SARDH: variants seen among roughly 807,000 people sequenced by gnomAD.
SARDH encodes the protein sarcosine dehydrogenase, also known as sarcosine dehydrogenase, mitochondrial.
SARDH carries 95 observed loss-of-function variants against 109.1 expected under a neutral mutation model. That is an observed-to-expected ratio of 0.87 (90% CI 0.74 to 1.03). The LOEUF (loss-of-function observed/expected upper bound fraction) is 1.03, where lower values mean the gene tolerates loss of function less well. Among genes scored for constraint, SARDH ranks in the 50% least tolerant of loss-of-function variants. The pLI is 0.00. For missense variants in SARDH, 1,267 were observed against 1,287.8 expected, an observed-to-expected ratio of 0.98 and a Z score of 0.25; for synonymous variants, 572 against 534.8, an observed-to-expected ratio of 1.07 and a Z score of -0.96.
intron 1 of SARDH, among the ~76,000 whole-genome samples, chr9:133,734,950 G>A (rs531684046): frequency 2.0e-4 from 31 of 152,338 alleles, no homozygotes; most frequent in African/African-American, 7.2e-4. Flanking sequence ...GATGGGACCT[G>A]GGAGGCAGGA....
rs778141547 is a variant in SARDH at position 133,666,770 on chromosome 9, C to T, written c.2596G>A (p.Ala866Thr). Residue 866 changes from alanine to threonine, a missense_variant, in exon 20 of 21, where the codon GCC (alanine) becomes ACC (threonine). By Grantham distance (58) the Ala-to-Thr change is moderately conservative. Coordinates refer to ENST00000439388, the MANE Select transcript of SARDH (RefSeq NM_001134707.2). The surrounding 1 kb of genome is among the most constrained non-coding windows in gnomAD (Gnocchi z 5.2). ...CTGGGGTCATGGATGTAACCGTAGG[C>T]GATGGTCTTGTCGATGGCGAACCCA... ...DFGFAIDKTIAYGYIHDPSGG... is the reference protein window; with the variant it reads ...DFGFAIDKTITYGYIHDPSGG... 27 of 1,601,096 alleles carry T rather than the reference C, an allele frequency of 1.7e-5. No individual in the cohort carries two copies. In the Admixed American group the frequency reaches 2.2e-4, roughly 13 times the overall value.
intron 13 of SARDH, among the ~76,000 whole-genome samples, chr9:133,701,941 G>T (rs1488393307): frequency 1.3e-5 from 2 of 152,214 alleles, no homozygotes; most frequent in Non-Finnish European, 2.9e-5. Flanking sequence ...ATGAACCCAA[G>T]CGGGGCCCTT....
chr9:133,738,162 G>C (rs112424248), intron 1 of SARDH, 92 bp downstream of exon 1: 1 of 152,350 alleles, frequency 6.6e-6, no homozygotes, highest in African/African-American at 2.4e-5. Flanking sequence ...CAGAGGCAGA[G>C]GGAGATCCCA....
At position 133,666,755 on chromosome 9, in the gene SARDH, G is replaced by T; in HGVS notation, c.2611C>A (p.His871Asn). The T allele has an allele frequency of 6.3e-7, 1 of 1,597,696 alleles. No homozygotes were observed. The highest frequency in any genetic ancestry group is 1.1e-5 in the South Asian group (1 of 88,320). ...CTCACCGGCCCACCGCTGGGGTCAT[G>T]GATGTAACCGTAGGCGATGGTCTTG... ...IDKTIAYGYI[H>N]DPSGGPVSLD... Residue 871 changes from histidine (H) to asparagine (N), a missense_variant, in exon 20 of 21, where the codon CAT becomes AAT. Coordinates refer to ENST00000439388, the MANE Select transcript of SARDH (RefSeq NM_001134707.2). The surrounding 1 kb of genome is among the most constrained non-coding windows in gnomAD (Gnocchi z 5.2).
intron 5 of SARDH, 41 bp downstream of exon 5, chr9:133,730,023 C>A: frequency 6.2e-7 from 1 of 1,611,408 alleles, no homozygotes; most frequent in South Asian, 1.1e-5. Context: ...AGGGAGCAGC[C>A]AGCATGGCCA....
In SARDH at chr9:133,717,459, C is replaced by T. The variant is rs368840052; in HGVS notation, c.1021-4G>A. On this transcript the variant is annotated splice_region_variant and splice_polypyrimidine_tract_variant and intron_variant, in intron 7 of 20. Coordinates refer to ENST00000439388, the MANE Select transcript of SARDH (RefSeq NM_001134707.2). ...CGAAGGCAAACTTGTCTGACACCTGCCAAGGCAGGGCAGGGGAACATCTCC... is the reference window on the plus strand; with the variant it reads ...CGAAGGCAAACTTGTCTGACACCTGTCAAGGCAGGGCAGGGGAACATCTCC... 3.7e-5 allele frequency: 59 copies of T among 1,613,918 alleles called. No homozygotes were observed. Among genetic ancestry groups the T allele is most frequent in the Middle Eastern group, 1.6e-4 (1 of 6,076 alleles).
In SARDH at chr9:133,729,843, G is replaced by A. The variant is rs374820316; in HGVS notation, c.837C>T (p.Gly279=). 1.3e-5 allele frequency: 21 copies of A among 1,611,870 alleles called. 1 individual carries two copies. The African/African-American group carries it at 2.3e-4, about 17-fold the overall frequency. Residue 279 remains glycine (G), a synonymous_variant, in exon 6 of 21, where the codon GGC becomes GGT. Coordinates refer to ENST00000439388, the MANE Select transcript of SARDH (RefSeq NM_001134707.2). ...GCGGGACCTTGACTCCAGCCATCCG[G>A]CCCACAGCACTTGCCCACACTCCTG... ...NCAGVWASAV[G]RMAGVKVPLV... is the part of the protein sequence containing the mutation.
chr9:133,717,578 G>T, intron 7 of SARDH, 123 bp from the exon 8 acceptor site: 1 of 1,389,966 alleles, frequency 7.2e-7, no homozygotes, highest in Non-Finnish European at 9.7e-7. Flanking sequence ...TTAGAGGGCT[G>T]GTGGTCACCC....
Position 133,702,912 on chromosome 9 carries a change from G to T in SARDH, c.1668+4C>A. 3 of 1,610,010 alleles carry T rather than the reference G, an allele frequency of 1.9e-6. No homozygotes were observed. Among genetic ancestry groups the T allele is most frequent in the Non-Finnish European group, 2.5e-6 (3 of 1,178,822 alleles). On this transcript the variant is annotated splice_donor_region_variant and intron_variant, in intron 13 of 20. Transcript: ENST00000439388. ...GACCCCCACGGTGGACCCCAGCTAC[G>T]CACCGTGTCGTGGTGGGGCGGGAAG...
chr9:133,670,468 G>T, intron 19 of SARDH, 116 bp downstream of exon 19: 5 of 1,165,678 alleles, frequency 4.3e-6, no homozygotes, highest in Non-Finnish European at 6.0e-6. Context: ...GAAGAGCATG[G>T]CTGGCACATG....
chr9:133,727,463 G>A (rs528038671), intron 6 of SARDH, among the ~76,000 whole-genome samples: 1 of 152,256 alleles, frequency 6.6e-6, no homozygotes, highest in African/African-American at 2.4e-5. Flanking sequence ...ATGCGCCCAG[G>A]AGAGGGCCCC....
At chr9:133,701,044 T>G (rs564588472) in intron 13 of SARDH, among the ~76,000 whole-genome samples, 26 of 152,216 alleles carry the variant, frequency 1.7e-4, no homozygotes, top group African/African-American at 6.0e-4. Flanking sequence ...CCTCACATAC[T>G]CAGGGAGGCC....
Position 133,686,563 on chromosome 9 carries a change from TC to T in SARDH, c.2070-1278del, listed in dbSNP as rs1830893331. Among the ~76,000 whole-genome samples, 1 of 150,020 alleles carries T rather than the reference TC, an allele frequency of 6.7e-6. No homozygotes were observed. Among genetic ancestry groups the T allele is most frequent in the African/African-American group, 2.5e-5 (1 of 40,510 alleles). On this transcript the variant is annotated intron_variant, in intron 16 of 20. Coordinates refer to ENST00000439388, the MANE Select transcript of SARDH (RefSeq NM_001134707.2). This position sits in a 1 kb window ranked among gnomAD's most constrained non-coding sequence, Gnocchi z 4.0. ...CCCCAGGAGCTCCGTGCCAACAGCA[TC>T]CCCCTATCCCAATGTGCCTGGCACA... is the stretch of plus-strand genomic sequence containing the variant.
rs1831846345 is a variant in SARDH, at chr9:133,709,768, T to C, written c.1329-1340A>G. On this transcript the variant is annotated intron_variant, in intron 10 of 20. Transcript: ENST00000439388. This position sits in a 1 kb window ranked among gnomAD's most constrained non-coding sequence, Gnocchi z 4.2. ...CTCTCTCTTTGTCCCCAGAGCTGCC[T>C]TCTGCATGGGACCCAAGATTAACTC... Among the ~76,000 whole-genome samples the C allele has an allele frequency of 6.6e-6, 1 of 152,198 alleles. No homozygotes were observed. Among genetic ancestry groups the C allele is most frequent in the Admixed American group, 6.5e-5 (1 of 15,288 alleles).
chr9:133,712,881 G>T lies in SARDH; in HGVS notation c.1237+157C>A. On this transcript the variant is annotated intron_variant, in intron 9 of 20. Transcript: ENST00000439388. This position sits in a 1 kb window ranked among gnomAD's most constrained non-coding sequence, Gnocchi z 4.1. ...GCTGCTGGACTGGACCCTGGCACAG[G>T]TGCACTCTCTGGGAAGCAGAAGGGG... 1.1e-6 allele frequency: 1 copy of T among 938,750 alleles called. No homozygotes were observed. Among genetic ancestry groups the T allele is most frequent in the Non-Finnish European group, 1.6e-6 (1 of 616,462 alleles). 58.2% of individuals were successfully genotyped at this position (938,750 alleles called of 1,614,324 possible).
intron 1 of SARDH, among the ~76,000 whole-genome samples, chr9:133,735,107 G>T (rs1328665729): frequency 2.0e-5 from 3 of 152,176 alleles, no homozygotes; most frequent in African/African-American, 7.2e-5. Context: ...GTATCGGCAG[G>T]CAGCCTCGAG....
At chr9:133,682,246 T>C (rs890007910) in intron 17 of SARDH, among the ~76,000 whole-genome samples, 1 of 152,116 alleles carries the variant, frequency 6.6e-6, no homozygotes, top group Non-Finnish European at 1.5e-5. Context: ...GCGTTCCAAG[T>C]GGTTCTCGGG....
intron 13 of SARDH, among the ~76,000 whole-genome samples, chr9:133,696,949 C>G (rs1171225235): frequency 6.6e-6 from 1 of 151,854 alleles, no homozygotes; most frequent in Non-Finnish European, 1.5e-5. Flanking sequence ...CCAAAGCAAG[C>G]AGAAGGAATG....
At chr9:133,725,724 T>C (rs1832467940) in intron 6 of SARDH, 3 of 252,834 alleles carry the variant, frequency 1.2e-5, no homozygotes, top group South Asian at 1.1e-4. Flanking sequence ...GTTTACATCA[T>C]CATAATATTG....
Sources: gnomAD v4.1 joint callset for allele counts (sites outside exome capture counted in the v4.1 genomes callset) on GRCh38, gnomAD v4.1.1 for gene constraint, Gnocchi (gnomAD v3.1) non-coding constraint, MANE v1.5 for transcripts, NCBI Gene and HGNC (gene_info 2026-07-23, HGNC 2026-07-21) for gene names.